FMN1: variants seen among roughly 807,000 people sequenced by gnomAD.
The protein encoded by FMN1 is formin 1.
A neutral mutation model predicts 132.4 loss-of-function variants in FMN1; 110 were observed. That is an observed-to-expected ratio of 0.83 (90% CI 0.71 to 0.97). FMN1 has a LOEUF of 0.97. Ranked by LOEUF, FMN1 falls within the 50% of genes least tolerant of loss-of-function variation. FMN1 has a pLI of 0.00. For missense variants in FMN1, 1,792 were observed against 1,705.3 expected, an observed-to-expected ratio of 1.05 and a Z score of -0.90; for synonymous variants, 722 against 651.7, an observed-to-expected ratio of 1.11 and a Z score of -1.64.
At chr15:33,007,978 C>T (rs1373299648) in intron 7 of FMN1, 36 bp downstream of exon 7, 1 of 1,554,202 alleles carries the variant, frequency 6.4e-7, no homozygotes, top group Admixed American at 1.8e-5. Context: ...AGTATCAGTT[C>T]TATAGAACCC....
rs73374808 is a variant in FMN1, at chr15:32,997,837, A to G, written c.2223+10177T>C. ...CAATAGCCCTTTCAGGAAAGGACAG[A>G]AGAGAGGAAGAAAGGGAAAGGGCAA... is the stretch of plus-strand genomic sequence containing the variant. On this transcript the variant is annotated intron_variant, in intron 7 of 20. Transcript: ENST00000616417. 5.6e-3 allele frequency among the ~76,000 whole-genome samples: 846 copies of G among 152,362 alleles called. 13 individuals carry two copies. Among genetic ancestry groups the G allele is most frequent in the African/African-American group, 0.02 (819 of 41,582 alleles).
chr15:33,021,450 C>T (rs2035411932), intron 6 of FMN1, among the ~76,000 whole-genome samples: 1 of 151,974 alleles, frequency 6.6e-6, no homozygotes, highest in African/African-American at 2.4e-5. Flanking sequence ...TATGCATACA[C>T]ACACACACAC....
intron 6 of FMN1, among the ~76,000 whole-genome samples, chr15:33,054,596 C>T (rs1460620333): frequency 6.6e-6 from 1 of 152,188 alleles, no homozygotes. Flanking sequence ...AACCCAATTA[C>T]CCTTTCCCTC....
chr15:32,832,647 G>T (rs1293996583), intron 17 of FMN1, among the ~76,000 whole-genome samples: 1 of 152,100 alleles, frequency 6.6e-6, no homozygotes, highest in African/African-American at 2.4e-5. Flanking sequence ...ACATGGTGGT[G>T]AGTGCCTGTA....
At chr15:32,959,520 C>CA (rs1401318483) in intron 9 of FMN1, among the ~76,000 whole-genome samples, 1 of 152,164 alleles carries the variant, frequency 6.6e-6, no homozygotes, top group Non-Finnish European at 1.5e-5. Flanking sequence ...CATATTACCA[C>CA]AAAGCTCAGT....
intron 7 of FMN1, among the ~76,000 whole-genome samples, chr15:32,984,191 AT>A (rs1383960325): frequency 6.6e-6 from 1 of 151,660 alleles, no homozygotes; most frequent in Non-Finnish European, 1.5e-5. Context: ...CAGCTTGAAG[AT>A]TTTTTTTTAA....
At chr15:32,983,793 A>C (rs140842509) in intron 7 of FMN1, among the ~76,000 whole-genome samples, 150 of 152,322 alleles carry the variant, frequency 9.8e-4, no homozygotes, top group African/African-American at 3.3e-3. Flanking sequence ...AACCTCTTTC[A>C]TCAACACTAC....
At position 33,154,457 on chromosome 15, in the gene FMN1, G is replaced by A; in HGVS notation, c.458C>T (p.Thr153Ile). ...LPVGPLNKRS[T>I]HGNKKPRRSS... ...CCTCCGAGGCTTTTTGTTCCCGTGG[G>A]TGCTCCTCTTATTGAGAGGGCCCAC... The change falls in exon 4 of 21, where the codon ACC becomes ATC. Residue 153 changes from threonine (T) to isoleucine (I), a missense_variant. Physicochemically the swap from Thr to Ile is moderately conservative, Grantham distance 89. Transcript: ENST00000616417. 6.5e-7 allele frequency: 1 copy of A among 1,535,996 alleles called. No individual in the cohort carries two copies. The highest frequency in any genetic ancestry group is 8.7e-7 in the Non-Finnish European group (1 of 1,146,890).
At chr15:33,147,254 C>G (rs1046277214) in intron 4 of FMN1, among the ~76,000 whole-genome samples, 1 of 151,964 alleles carries the variant, frequency 6.6e-6, no homozygotes, top group Non-Finnish European at 1.5e-5. Flanking sequence ...ACTTGTAATC[C>G]AATTACAACC....
At chr15:33,023,753 A>C (rs1172945673) in intron 6 of FMN1, among the ~76,000 whole-genome samples, 2 of 152,168 alleles carry the variant, frequency 1.3e-5, no homozygotes, top group Non-Finnish European at 2.9e-5. Flanking sequence ...TAGAGTACAA[A>C]AGGAAGCATA....
chr15:32,909,109 G>A (rs951488239), intron 11 of FMN1, among the ~76,000 whole-genome samples: 2 of 152,160 alleles, frequency 1.3e-5, no homozygotes, highest in African/African-American at 4.8e-5. Context: ...AACTATTTCA[G>A]TTGAATGAAG....
At chr15:32,855,315 C>G (rs866133597) in intron 17 of FMN1, among the ~76,000 whole-genome samples, 1 of 151,994 alleles carries the variant, frequency 6.6e-6, no homozygotes, top group South Asian at 2.1e-4. Context: ...TTGAGAACCA[C>G]TGTTTTAGGA....
At chr15:32,875,174 ATCT>A (rs1271451366) in intron 16 of FMN1, among the ~76,000 whole-genome samples, 2 of 152,212 alleles carry the variant, frequency 1.3e-5, no homozygotes, top group East Asian at 3.8e-4. Context: ...TTTATGTGTT[ATCT>A]CATCTTACCC....
intron 7 of FMN1, among the ~76,000 whole-genome samples, chr15:32,975,967 T>C (rs2032169825): frequency 6.6e-6 from 1 of 152,152 alleles, no homozygotes; most frequent in African/African-American, 2.4e-5. Context: ...GAGGAGACTT[T>C]TGCTTGTCTG....
Position 32,874,410 on chromosome 15 carries a change from G to GA in FMN1, c.3835+13761dup, listed in dbSNP as rs573965440. On this transcript the variant is annotated intron_variant, in intron 16 of 20. Coordinates refer to ENST00000616417, the MANE Select transcript of FMN1 (RefSeq NM_001277313.2). ...GTTAGGAAAAGGTATGTCATGGATT[G>GA]AAAAAAAAATTAGATGTTTGTAATT... Among the ~76,000 whole-genome samples the GA allele has an allele frequency of 5.8e-4, 87 of 150,888 alleles. No individual in the cohort carries two copies. The South Asian group carries it at 0.017, about 29-fold the overall frequency.
intron 5 of FMN1, among the ~76,000 whole-genome samples, chr15:33,077,367 A>AT (rs1024313040): frequency 8.5e-5 from 8 of 94,354 alleles, no homozygotes; most frequent in African/African-American, 6.3e-5. Context: ...ATATATATAT[A>AT]TATTTTTTTT....
chr15:32,969,211 G>A lies in FMN1; in HGVS notation c.2490C>T (p.Pro830=). ...SKTTRSNQLV[P]KKLNISSLSQ... ...TTAAAGAGGAGATATTCAGCTTTTT[G>A]GGTACTAATTGATTACTTCTGGTTG... The change falls in exon 8 of 21, where the codon CCC becomes CCT. Residue 830 remains proline (P), a synonymous_variant. Transcript: ENST00000616417. 6.2e-7 allele frequency: 1 copy of A among 1,613,848 alleles called. No homozygotes were observed. Among genetic ancestry groups the A allele is most frequent in the Non-Finnish European group, 8.5e-7 (1 of 1,179,844 alleles).
chr15:33,115,499 C>A (rs868325071), intron 4 of FMN1, among the ~76,000 whole-genome samples: 2 of 143,604 alleles, frequency 1.4e-5, no homozygotes, highest in African/African-American at 2.6e-5. Flanking sequence ...AAGCCCCCCC[C>A]CCCCACACAC....
intron 5 of FMN1, among the ~76,000 whole-genome samples, chr15:33,088,050 G>T (rs1476414143): frequency 2.0e-5 from 3 of 152,092 alleles, no homozygotes; most frequent in Non-Finnish European, 1.5e-5. Context: ...GGACTTTGGG[G>T]ACTTGAGGGA....
Sources: allele counts gnomAD v4.1 joint callset (sites outside exome capture counted in the v4.1 genomes callset), GRCh38; gene constraint gnomAD v4.1.1; transcripts MANE v1.5; gene names NCBI Gene and HGNC (gene_info 2026-07-23, HGNC 2026-07-21).